Variants in CXCL12 observed in about 807,000 individuals in gnomAD.
CXCL12 encodes the protein stromal cell-derived factor 1.
A neutral mutation model predicts 10.7 loss-of-function variants in CXCL12; 4 were observed. The observed-to-expected ratio is 0.37, with a 90% CI of 0.18 to 0.86. CXCL12 has a LOEUF of 0.86. Ranked by LOEUF, CXCL12 falls within the 40% of genes least tolerant of loss-of-function variation. The probability of loss-of-function intolerance (pLI) is 0.43; values close to 1 mark genes in which losing one functional copy is unlikely to be tolerated. For missense variants in CXCL12, 122 were observed against 110.4 expected (o/e 1.10, Z -0.47); for synonymous variants, 54 against 45.4 (o/e 1.19, Z -0.77).
In CXCL12 at chr10:44,377,997, T is replaced by C; in HGVS notation, c.*636A>G. On this transcript the variant is annotated 3_prime_UTR_variant, in exon 3 of 3. Coordinates refer to ENST00000343575, the MANE Select transcript of CXCL12 (RefSeq NM_199168.4). ...CTGGGAGAGGGGTCTCTGAGCACAG[T>C]CCCAGTAATAGTGGCTTCTACATGG... 1 of 1,507,362 alleles carries C rather than the reference T, an allele frequency of 6.6e-7. No individual in the cohort carries two copies. The highest frequency in any genetic ancestry group is 8.8e-7 in the Non-Finnish European group (1 of 1,139,854). The allele number at this position is 1,507,362 out of a possible 1,614,324, so 93.4% of individuals were successfully genotyped here.
downstream of CXCL12, among the ~76,000 whole-genome samples, chr10:44,375,179 T>C (rs971611572): frequency 3.4e-4 from 52 of 152,146 alleles, no homozygotes; most frequent in African/African-American, 1.0e-3. Flanking sequence ...TTAAAGACTC[T>C]AAAGAGAATT....
chr10:44,374,459 A>T, downstream of CXCL12: 1 of 456,004 alleles, frequency 2.2e-6, no homozygotes, highest in South Asian at 1.5e-5. Flanking sequence ...AGAGGTGGGG[A>T]GGGCAGAAGA....
chr10:44,374,259 C>G (rs1564458648), downstream of CXCL12: 1 of 364,210 alleles, frequency 2.7e-6, no homozygotes, highest in Non-Finnish European at 5.4e-6. Flanking sequence ...CTGACCAGGA[C>G]AGACTGGCCA....
At chr10:44,374,249 C>A, downstream of CXCL12, 2 of 345,812 alleles carry the variant, frequency 5.8e-6, no homozygotes, top group Non-Finnish European at 1.2e-5. Flanking sequence ...GCTTTTCATA[C>A]TGACCAGGAC....
chr10:44,376,855 C>T (rs1004021513), downstream of CXCL12, among the ~76,000 whole-genome samples: 2 of 148,456 alleles, frequency 1.3e-5, no homozygotes, highest in Admixed American at 6.8e-5. Flanking sequence ...GGAGGGAAGA[C>T]GAATTAGTGA....
intron 1 of CXCL12, among the ~76,000 whole-genome samples, chr10:44,381,497 T>TTC (rs1839630295): frequency 6.6e-6 from 1 of 152,216 alleles, no homozygotes. Context: ...AGGACCCACC[T>TTC]TCTGCCCAGC....
At chr10:44,380,415 G>C in intron 2 of CXCL12, 1 of 228,190 alleles carries the variant, frequency 4.4e-6, no homozygotes. Context: ...AGTTATCACT[G>C]TTATTAGCTA....
chr10:44,379,356 G>T lies in CXCL12; in HGVS notation c.180-633C>A, dbSNP rs942880876. 7.9e-5 allele frequency among the ~76,000 whole-genome samples: 12 copies of T among 152,126 alleles called. 1 individual carries two copies. Among genetic ancestry groups the T allele is most frequent in the African/African-American group, 2.7e-4 (11 of 41,424 alleles). ...TTACAAGTTCACTGAATGTTTCTTG[G>T]TCTCATTTGTTTTTTAAAAGTTCAC... is the stretch of plus-strand genomic sequence containing the variant. On this transcript the variant is annotated intron_variant, in intron 2 of 2. Transcript: ENST00000343575.
intron 2 of CXCL12, 49 bp from the exon 3 acceptor site, chr10:44,378,772 C>A (rs374685857): frequency 1.6e-5 from 25 of 1,588,930 alleles, no homozygotes; most frequent in African/African-American, 2.7e-5. Flanking sequence ...GAGGAAGGCG[C>A]GGCTGCAACG....
intron 1 of CXCL12, among the ~76,000 whole-genome samples, chr10:44,383,384 T>C (rs7092453): frequency 0.18 from 27,944 of 151,992 alleles, 2,707 homozygotes; most frequent in Non-Finnish European, 0.21. Context: ...CCCACGTCTC[T>C]GTGCTTCCCC....
At chr10:44,372,771 T>C, downstream of CXCL12, 2 of 1,444,180 alleles carry the variant, frequency 1.4e-6, no homozygotes, top group Non-Finnish European at 1.8e-6. Flanking sequence ...CTGCCTCAGC[T>C]CAGGGTAGCC....
downstream of CXCL12, chr10:44,373,423 C>A (rs184965741): frequency 3.9e-6 from 5 of 1,285,178 alleles, no homozygotes; most frequent in Non-Finnish European, 4.4e-6. Flanking sequence ...CAGCGGCCTG[C>A]GCGGAGGCCC....
downstream of CXCL12, among the ~76,000 whole-genome samples, chr10:44,374,923 C>CA (rs1475873441): frequency 6.6e-6 from 1 of 152,104 alleles, no homozygotes; most frequent in Non-Finnish European, 1.5e-5. Context: ...AGAAACTTGC[C>CA]AAAAAATCTC....
chr10:44,375,568 G>A (rs764230914), downstream of CXCL12, among the ~76,000 whole-genome samples: 1 of 152,196 alleles, frequency 6.6e-6, no homozygotes, highest in Non-Finnish European at 1.5e-5. Flanking sequence ...TGGAGCTGGT[G>A]AGCTCCCCAG....
At chr10:44,384,889 C>A in intron 1 of CXCL12, 56 bp downstream of exon 1, 2 of 1,492,364 alleles carry the variant, frequency 1.3e-6, no homozygotes, top group Non-Finnish European at 1.8e-6. Context: ...GGCTCTGCGC[C>A]GGGCGGGAGC....
chr10:44,374,853 C>A, downstream of CXCL12: 1 of 370,438 alleles, frequency 2.7e-6, no homozygotes, highest in South Asian at 2.0e-5. Context: ...TCAACGCATC[C>A]TTTTTCCGAG....
downstream of CXCL12, among the ~76,000 whole-genome samples, chr10:44,375,269 A>G (rs1839421861): frequency 6.6e-6 from 1 of 152,228 alleles, no homozygotes; most frequent in South Asian, 2.1e-4. Flanking sequence ...CACCCCACAC[A>G]GTTTGCAGAA....
At chr10:44,382,362 C>A (rs1052223194) in intron 1 of CXCL12, among the ~76,000 whole-genome samples, 1 of 152,188 alleles carries the variant, frequency 6.6e-6, no homozygotes, top group African/African-American at 2.4e-5. Flanking sequence ...GCCTGGGTAA[C>A]TGAGGAGCTA....
At chr10:44,376,778 G>A (rs71494727), downstream of CXCL12, among the ~76,000 whole-genome samples, 5,698 of 152,250 alleles carry the variant, frequency 0.037, 155 homozygotes, top group Middle Eastern at 0.061. Flanking sequence ...AATGTAAAAG[G>A]TTGATATTAC....
Sources: gnomAD v4.1 joint callset for allele counts (sites outside exome capture counted in the v4.1 genomes callset) on GRCh38, gnomAD v4.1.1 for gene constraint, MANE v1.5 for transcripts, NCBI Gene and HGNC (gene_info 2026-07-23, HGNC 2026-07-21) for gene names.